Variants in PLPP1 observed in about 807,000 individuals in gnomAD.
PLPP1 encodes the protein phospholipid phosphatase 1, also known as lipid phosphate phosphohydrolase 1a.
PLPP1 carries 24 observed loss-of-function variants against 31.2 expected under a neutral mutation model. The observed-to-expected ratio is 0.77, with a 90% CI of 0.56 to 1.08. PLPP1 has a LOEUF of 1.08. Ranked by LOEUF, PLPP1 falls within the 50% of genes least tolerant of loss-of-function variation. PLPP1 has a pLI of 0.00. For synonymous variants in PLPP1, 146 were observed against 126.3 expected, an observed-to-expected ratio of 1.16 and a Z score of -1.05; for missense variants, 319 against 342.7, an observed-to-expected ratio of 0.93 and a Z score of 0.55.
chr5:55,451,990 A>C lies in PLPP1; in HGVS notation c.492-10082T>G, dbSNP rs545363382. Among the ~76,000 whole-genome samples the C allele has an allele frequency of 7.9e-5, 12 of 152,288 alleles. No homozygotes were observed. The South Asian group carries it at 2.5e-3, about 32-fold the overall frequency. ...TATTTAAAGAGTGGAAAGCTGAATA[A>C]TTTTTACAAGTATAGGAAAAAAAAC... On this transcript the variant is annotated intron_variant, in intron 3 of 5. Coordinates refer to ENST00000307259, the MANE Select transcript of PLPP1 (RefSeq NM_003711.4).
At chr5:55,510,127 T>C (rs1294780593) in intron 1 of PLPP1, among the ~76,000 whole-genome samples, 1 of 151,640 alleles carries the variant, frequency 6.6e-6, no homozygotes, top group South Asian at 2.1e-4. Context: ...AAACATTCTG[T>C]TTACATGGAA....
chr5:55,530,017 TTTA>T (rs1740607605), intron 1 of PLPP1: 3 of 582,304 alleles, frequency 5.2e-6, no homozygotes, highest in Non-Finnish European at 9.2e-6. Context: ...AAGCCCTACC[TTTA>T]TTTTCAATCA....
At chr5:55,433,718 C>T (rs1231891817) in intron 4 of PLPP1, among the ~76,000 whole-genome samples, 8 of 151,140 alleles carry the variant, frequency 5.3e-5, no homozygotes, top group African/African-American at 1.7e-4. Context: ...AGGATGGTCT[C>T]GATCTCCTGA....
intron 3 of PLPP1, among the ~76,000 whole-genome samples, chr5:55,447,153 A>AC (rs1205988645): frequency 6.6e-6 from 1 of 152,224 alleles, no homozygotes; most frequent in Non-Finnish European, 1.5e-5. Flanking sequence ...ATCAGTAGGC[A>AC]CTTCTAATCC....
intron 3 of PLPP1, among the ~76,000 whole-genome samples, chr5:55,442,285 G>A (rs1005548643): frequency 5.9e-5 from 9 of 152,126 alleles, no homozygotes; most frequent in South Asian, 2.1e-4. Flanking sequence ...CCACTTGCAG[G>A]ATTAGTCCCT....
At chr5:55,506,444 C>T (rs528224966) in intron 1 of PLPP1, among the ~76,000 whole-genome samples, 37 of 152,156 alleles carry the variant, frequency 2.4e-4, no homozygotes, top group African/African-American at 8.9e-4. Context: ...TTCTTTTCAC[C>T]ACATTACACA....
intron 1 of PLPP1, among the ~76,000 whole-genome samples, chr5:55,513,179 A>C (rs900514256): frequency 6.6e-6 from 1 of 152,164 alleles, no homozygotes; most frequent in Non-Finnish European, 1.5e-5. Context: ...TAACTGGGAA[A>C]GAAATAATTT....
intron 3 of PLPP1, among the ~76,000 whole-genome samples, chr5:55,462,562 C>T (rs887406786): frequency 1.3e-5 from 2 of 151,608 alleles, no homozygotes; most frequent in African/African-American, 2.4e-5. Context: ...AATTTTGGAA[C>T]GTTGAGGCAA....
chr5:55,465,945 A>C (rs1002509989), intron 3 of PLPP1, among the ~76,000 whole-genome samples: 3 of 141,708 alleles, frequency 2.1e-5, no homozygotes, highest in Non-Finnish European at 4.6e-5. Flanking sequence ...CCTTGCAGGG[A>C]ATGAGATCTA....
intron 3 of PLPP1, among the ~76,000 whole-genome samples, chr5:55,463,205 G>C (rs565161667): frequency 1.3e-5 from 2 of 152,040 alleles, no homozygotes; most frequent in South Asian, 2.1e-4. Context: ...GTAAGGCGTG[G>C]GGAGAGCATT....
At chr5:55,529,204 TA>T (rs1279211387) in intron 1 of PLPP1, among the ~76,000 whole-genome samples, 1 of 152,010 alleles carries the variant, frequency 6.6e-6, no homozygotes, top group African/African-American at 2.4e-5. Context: ...AAAAAATCCT[TA>T]TAGAAACTCT....
intron 1 of PLPP1, among the ~76,000 whole-genome samples, chr5:55,496,908 T>TA (rs1561246956): frequency 6.6e-6 from 1 of 152,176 alleles, no homozygotes; most frequent in African/African-American, 2.4e-5. Context: ...GGAATAAATC[T>TA]AAAATGCATT....
In PLPP1 at chr5:55,507,858, CTT is replaced by C. The variant is rs5867988; in HGVS notation, c.58+26712_58+26713del. ...ATATCTGCACACTGATCACTGAAAA[CTT>C]TTTTTTTTTTTTTTGAGACAAGAGT... On this transcript the variant is annotated intron_variant, in intron 1 of 5. Coordinates refer to ENST00000307259, the MANE Select transcript of PLPP1 (RefSeq NM_003711.4). 7.9e-3 allele frequency among the ~76,000 whole-genome samples: 1,055 copies of C among 133,120 alleles called. 2 individuals carry two copies. The highest frequency in any genetic ancestry group is 0.015 in the East Asian group (72 of 4,676). 87.3% of individuals were successfully genotyped at this position (133,120 alleles called of 152,430 possible). A position where few individuals can be genotyped will look rare whatever the true frequency, so the allele number is the denominator to read the frequency against.
At chr5:55,476,256 A>T (rs1216168912) in intron 1 of PLPP1, among the ~76,000 whole-genome samples, 1 of 151,746 alleles carries the variant, frequency 6.6e-6, no homozygotes, top group Non-Finnish European at 1.5e-5. Context: ...AGCTCAACTG[A>T]TCCTATAGCC....
chr5:55,460,073 G>A (rs567784304), intron 3 of PLPP1, among the ~76,000 whole-genome samples: 1 of 152,180 alleles, frequency 6.6e-6, no homozygotes, highest in Non-Finnish European at 1.5e-5. Context: ...GCTTCCAGTC[G>A]ACAGTAGGCT....
chr5:55,454,933 G>GT (rs1220411639), intron 3 of PLPP1, among the ~76,000 whole-genome samples: 2 of 152,124 alleles, frequency 1.3e-5, no homozygotes, highest in Admixed American at 6.5e-5. Flanking sequence ...TACTAGGTAC[G>GT]TAAGTACCAC....
At position 55,506,122 on chromosome 5, in the gene PLPP1, A is replaced by C. The variant is rs190744889; in HGVS notation, c.58+28450T>G. On this transcript the variant is annotated intron_variant, in intron 1 of 5. Coordinates refer to ENST00000307259, the MANE Select transcript of PLPP1 (RefSeq NM_003711.4). ...AAAAGCTCAAGAAACTAAAAGCAAT[A>C]TAGAACAGAAATTAAGGAAATGAAA... Among the ~76,000 whole-genome samples the C allele has an allele frequency of 5.0e-3, 757 of 152,320 alleles. 3 individuals are homozygous for C. Among genetic ancestry groups the C allele is most frequent in the Admixed American group, 0.01 (157 of 15,290 alleles).
chr5:55,494,003 C>T (rs114642432), intron 1 of PLPP1, among the ~76,000 whole-genome samples: 2,503 of 152,168 alleles, frequency 0.016, 88 homozygotes, highest in African/African-American at 0.058. Flanking sequence ...CATGATTATG[C>T]CACTGCATTC....
chr5:55,462,709 C>T (rs991944524), intron 3 of PLPP1, among the ~76,000 whole-genome samples: 1 of 152,174 alleles, frequency 6.6e-6, no homozygotes, highest in Non-Finnish European at 1.5e-5. Context: ...CGCAGTGGCT[C>T]ACACCTATAA....
Sources: gnomAD v4.1 joint callset for allele counts (sites outside exome capture counted in the v4.1 genomes callset) on GRCh38, gnomAD v4.1.1 for gene constraint, MANE v1.5 for transcripts, NCBI Gene and HGNC (gene_info 2026-07-23, HGNC 2026-07-21) for gene names.